Variants in NAALADL2 observed in about 807,000 individuals in gnomAD.
NAALADL2 encodes N-acetylated alpha-linked acidic dipeptidase like 2, also known as inactive N-acetylated-alpha-linked acidic dipeptidase-like protein 2.
A neutral mutation model predicts 87.2 loss-of-function variants in NAALADL2; 76 were observed. The observed-to-expected ratio is 0.87, with a 90% CI of 0.72 to 1.05. NAALADL2 has a LOEUF of 1.05. NAALADL2 is among the 50% of genes least tolerant of loss of function. The pLI is 0.00. For missense variants in NAALADL2, 1,089 were observed against 945.8 expected (o/e 1.15, Z -1.99); for synonymous variants, 354 against 331.0 (o/e 1.07, Z -0.75).
chr3:175,691,081 A>G (rs1192579511), intron 11 of NAALADL2, among the ~76,000 whole-genome samples: 2 of 151,704 alleles, frequency 1.3e-5, no homozygotes, highest in African/African-American at 4.8e-5. Context: ...CCCAATATCA[A>G]CTGAAAAAAT....
chr3:175,770,433 T>A (rs1461886352), intron 13 of NAALADL2, among the ~76,000 whole-genome samples: 1 of 152,230 alleles, frequency 6.6e-6, no homozygotes, highest in Non-Finnish European at 1.5e-5. Context: ...TTGTTATGCA[T>A]TTTAAATGAC....
At chr3:174,613,893 C>T (rs150534711) in intron 2 of NAALADL2, among the ~76,000 whole-genome samples, 38 of 152,300 alleles carry the variant, frequency 2.5e-4, no homozygotes, top group African/African-American at 8.4e-4. Flanking sequence ...CTTTAGTTAG[C>T]AAGTGATGAA....
chr3:174,742,725 AATG>A (rs559277343), intron 3 of NAALADL2, among the ~76,000 whole-genome samples: 124 of 151,848 alleles, frequency 8.2e-4, no homozygotes, highest in African/African-American at 2.9e-3. Context: ...ACAATATTTT[AATG>A]ATGTTTCTGT....
intron 11 of NAALADL2, among the ~76,000 whole-genome samples, chr3:175,698,504 A>T (rs78176744): frequency 0.052 from 4,502 of 85,896 alleles, 847 homozygotes; most frequent in African/African-American, 0.18. Context: ...TATATATATA[A>T]AATCTCCAAG....
chr3:174,569,894 G>A (rs1029550089), intron 2 of NAALADL2, among the ~76,000 whole-genome samples: 2 of 151,926 alleles, frequency 1.3e-5, no homozygotes, highest in African/African-American at 2.4e-5. Context: ...TTATTATTAG[G>A]CAAACAACTC....
At chr3:175,638,601 G>A (rs546287986) in intron 11 of NAALADL2, among the ~76,000 whole-genome samples, 2 of 152,154 alleles carry the variant, frequency 1.3e-5, no homozygotes, top group Non-Finnish European at 2.9e-5. Flanking sequence ...TGGCAACATG[G>A]ATTGCACAGG....
At chr3:175,792,792 G>A (rs1178614097) in intron 13 of NAALADL2, among the ~76,000 whole-genome samples, 1 of 152,176 alleles carries the variant, frequency 6.6e-6, no homozygotes, top group African/African-American at 2.4e-5. Flanking sequence ...ACGTCATCAA[G>A]GAATAAGTTT....
intron 11 of NAALADL2, among the ~76,000 whole-genome samples, chr3:175,631,257 C>G (rs1206551273): frequency 2.0e-5 from 3 of 151,390 alleles, no homozygotes; most frequent in Non-Finnish European, 4.4e-5. Context: ...TTTATTTTAT[C>G]GTTTGTATAA....
chr3:175,458,344 A>G lies in NAALADL2; in HGVS notation c.1235-5057A>G, dbSNP rs137966014. ...AATATATCTATACACTCAGATTTAT[A>G]TCTGTATTTACTTTTAAATCTATAT... On this transcript the variant is annotated intron_variant, in intron 6 of 13. Transcript: ENST00000454872. 5.1e-4 allele frequency among the ~76,000 whole-genome samples: 78 copies of G among 151,552 alleles called. No individual in the cohort carries two copies. The East Asian group carries it at 0.014, about 27-fold the overall frequency.
intron 2 of NAALADL2, among the ~76,000 whole-genome samples, chr3:174,582,767 A>G (rs1368821348): frequency 1.3e-5 from 2 of 152,140 alleles, no homozygotes; most frequent in African/African-American, 2.4e-5. Context: ...TTTTTTTAGT[A>G]GAGATGGGGT....
In NAALADL2 at chr3:175,126,407, C is replaced by G. The variant is rs115998257; in HGVS notation, c.545+29116C>G. ...GCTGAGCTGTCTCACTCACTGCACA[C>G]AGTATTGGCAATTTCACTGATTTAG... On this transcript the variant is annotated intron_variant, in intron 2 of 13. Transcript: ENST00000454872. 5.8e-3 allele frequency among the ~76,000 whole-genome samples: 887 copies of G among 152,170 alleles called. 5 individuals carry two copies. The highest frequency in any genetic ancestry group is 0.02 in the African/African-American group (843 of 41,532).
At chr3:175,656,706 G>A (rs1394783963) in intron 11 of NAALADL2, among the ~76,000 whole-genome samples, 1 of 151,748 alleles carries the variant, frequency 6.6e-6, no homozygotes, top group Non-Finnish European at 1.5e-5. Context: ...AAGCTTAGTA[G>A]TCTGGTGTGT....
intron 4 of NAALADL2, among the ~76,000 whole-genome samples, chr3:175,317,201 C>T (rs1759262183): frequency 6.6e-6 from 1 of 152,086 alleles, no homozygotes; most frequent in South Asian, 2.1e-4. Context: ...AGAAGAGACA[C>T]AACTGGCAAT....
chr3:175,496,318 T>C (rs1728800787), intron 9 of NAALADL2, among the ~76,000 whole-genome samples: 1 of 152,112 alleles, frequency 6.6e-6, no homozygotes. Context: ...ATTTATCATG[T>C]CTTTTAATTT....
At chr3:175,700,395 A>G (rs1206918304) in intron 11 of NAALADL2, among the ~76,000 whole-genome samples, 5 of 152,138 alleles carry the variant, frequency 3.3e-5, no homozygotes, top group Non-Finnish European at 7.4e-5. Flanking sequence ...TCAGAGAAAA[A>G]AGGCTACTGC....
At chr3:174,512,541 G>A (rs776918927) in intron 1 of NAALADL2, among the ~76,000 whole-genome samples, 4 of 152,100 alleles carry the variant, frequency 2.6e-5, no homozygotes, top group Non-Finnish European at 4.4e-5. Flanking sequence ...CTACTCACAC[G>A]TCGGCAGATC....
At chr3:175,453,184 T>C (rs980015171) in intron 6 of NAALADL2, among the ~76,000 whole-genome samples, 2 of 152,164 alleles carry the variant, frequency 1.3e-5, no homozygotes, top group African/African-American at 2.4e-5. Context: ...CCTGTCACTT[T>C]TTACAAATTA....
At chr3:174,659,815 C>T (rs1231047329) in intron 2 of NAALADL2, among the ~76,000 whole-genome samples, 2 of 151,946 alleles carry the variant, frequency 1.3e-5, no homozygotes, top group Non-Finnish European at 2.9e-5. Flanking sequence ...CCTGCTCTTA[C>T]AGTAATCCTG....
intron 1 of NAALADL2, among the ~76,000 whole-genome samples, chr3:174,496,007 A>C (rs2108359244): frequency 6.6e-6 from 1 of 152,224 alleles, no homozygotes; most frequent in Middle Eastern, 3.4e-3. Flanking sequence ...TTTCCAGCTA[A>C]AATTTTTTGA....
Sources: allele counts gnomAD v4.1 joint callset (sites outside exome capture counted in the v4.1 genomes callset), GRCh38; gene constraint gnomAD v4.1.1; transcripts MANE v1.5; gene names NCBI Gene and HGNC (gene_info 2026-07-23, HGNC 2026-07-21).